Variants in SH3BP5L observed in about 807,000 individuals in gnomAD.
The protein encoded by SH3BP5L is SH3 binding domain protein 5 like, also known as SH3 domain-binding protein 5-like.
A neutral mutation model predicts 40.9 loss-of-function variants in SH3BP5L; 16 were observed. That is an observed-to-expected ratio of 0.39 (90% CI 0.27 to 0.59). The LOEUF is 0.59. Ranked by LOEUF, SH3BP5L falls within the 20% of genes least tolerant of loss-of-function variation. The probability of loss-of-function intolerance (pLI) is 0.53; values close to 1 mark genes in which losing one functional copy is unlikely to be tolerated. For synonymous variants in SH3BP5L, 229 were observed against 226.7 expected (o/e 1.01, Z -0.09); for missense variants, 471 against 544.6 (o/e 0.86, Z 1.35).
At chr1:248,824,618 T>G in intron 2 of SH3BP5L, 135 bp downstream of exon 2, 3 of 1,113,300 alleles carry the variant, frequency 2.7e-6, no homozygotes, top group Non-Finnish European at 3.9e-6. Flanking sequence ...CTGCAATGAT[T>G]TGTTGACAAA....
chr1:248,824,908 C>G lies in SH3BP5L; in HGVS notation c.28G>C (p.Gly10Arg). 6.2e-7 allele frequency: 1 copy of G among 1,613,788 alleles called. No individual in the cohort carries two copies. Among genetic ancestry groups the G allele is most frequent in the Non-Finnish European group, 8.5e-7 (1 of 1,179,842 alleles). MAELRQVPG[G>R]RETPQGELRP... ...AGCTCCCCCTGTGGGGTCTCCCGCC[C>G]TCCTGGAACCTGTCTGAGCTCAGCC... The change falls in exon 2 of 7, where the codon GGG (glycine) becomes CGG (arginine). Residue 10 changes from glycine to arginine, a missense_variant. By Grantham distance (125) the Gly-to-Arg change is moderately radical. Transcript: ENST00000366472.
Position 248,811,111 on chromosome 1 carries a change from C to CCACTAG in SH3BP5L, c.*783_*788dup. The CCACTAG allele has an allele frequency of 6.6e-6, 1 of 152,666 alleles. No individual in the cohort carries two copies. The highest frequency in any genetic ancestry group is 1.5e-5 in the Non-Finnish European group (1 of 68,094). 9.5% of individuals were successfully genotyped at this position (152,666 alleles called of 1,614,324 possible). On this transcript the variant is annotated 3_prime_UTR_variant, in exon 7 of 7. Transcript: ENST00000366472. Reference sequence around the variant, plus strand: ...CCCCAACATGGGCCCTCTTAGGGACCCACTAGCACCTTGGCAATGTTGAGG... The same window carrying CCACTAG: ...CCCCAACATGGGCCCTCTTAGGGACCCACTAGCACTAGCACCTTGGCAATGTTGAGG...
chr1:248,812,220 G>A lies in SH3BP5L; in HGVS notation c.862C>T (p.Arg288Cys), dbSNP rs367683054. ...GCCTCGGCCCCCACGGGGGAGGAGCGCCGAGGGCCCAGGGGGTGGGGAGGC... is the reference window on the plus strand; with the variant it reads ...GCCTCGGCCCCCACGGGGGAGGAGCACCGAGGGCCCAGGGGGTGGGGAGGC... ...GLPPHPLGPR[R>C]SSPVGAEAGP... The change falls in exon 7 of 7, where the codon CGC (arginine) becomes TGC (cysteine). Residue 288 changes from arginine (R) to cysteine (C), a missense_variant. By Grantham distance (180) the Arg-to-Cys change is radical. Around this residue, in one of 2 missense-constraint regions of SH3BP5L, gnomAD observed 196 missense variants for 174.6 expected, o/e 1.12. Transcript: ENST00000366472. The surrounding 1 kb of genome is among the most constrained non-coding windows in gnomAD (Gnocchi z 6.1). 5.6e-6 allele frequency: 9 copies of A among 1,606,562 alleles called. No homozygotes were observed. Among genetic ancestry groups the A allele is most frequent in the East Asian group, 2.2e-5 (1 of 44,786 alleles).
chr1:248,823,034 T>C (rs1664291709), intron 2 of SH3BP5L, among the ~76,000 whole-genome samples: 1 of 152,214 alleles, frequency 6.6e-6, no homozygotes, highest in African/African-American at 2.4e-5. Context: ...TAGTCCACCC[T>C]ATTAGACAGC....
intron 4 of SH3BP5L, chr1:248,815,954 T>G (rs1341005461): frequency 6.5e-6 from 1 of 154,076 alleles, no homozygotes; most frequent in Non-Finnish European, 1.4e-5. Flanking sequence ...AAGGCAGTTG[T>G]CTGTATCTGT....
rs898738797 is a variant in SH3BP5L at position 248,811,960 on chromosome 1, C to A, written c.1122G>T (p.Gly374=). 6.3e-6 allele frequency: 10 copies of A among 1,580,634 alleles called. No individual in the cohort carries two copies. Among genetic ancestry groups the A allele is most frequent in the Non-Finnish European group, 8.6e-6 (10 of 1,164,284 alleles). Residue 374 remains glycine, a synonymous_variant, in exon 7 of 7, where the codon GGG becomes GGT. Coordinates refer to ENST00000366472, the MANE Select transcript of SH3BP5L (RefSeq NM_030645.3). ...DGQELGTRSG[G]RRGSDGGARG... ...GGGCTCCGCCGTCGCTGCCCCGGCG[C>A]CCTCCACTCCGCGTTCCCAGCTCTT... is the stretch of plus-strand genomic sequence containing the variant.
chr1:248,812,442 G>A lies in SH3BP5L; in HGVS notation c.712-72C>T. 2 of 1,199,896 alleles carry A rather than the reference G, an allele frequency of 1.7e-6. No individual in the cohort carries two copies. The highest frequency in any genetic ancestry group is 1.2e-6 in the Non-Finnish European group (1 of 835,570). The allele number at this position is 1,199,896 out of a possible 1,614,324, so 74.3% of individuals were successfully genotyped here. On this transcript the variant is annotated intron_variant, in intron 6 of 6. Transcript: ENST00000366472. The surrounding 1 kb of genome is among the most constrained non-coding windows in gnomAD (Gnocchi z 6.1). ...ACCTTCCTCAGCACTCTGCACTGAGGTCTGAGGGCCTGCTCTCCCAGAATA... is the reference window on the plus strand; with the variant it reads ...ACCTTCCTCAGCACTCTGCACTGAGATCTGAGGGCCTGCTCTCCCAGAATA...
Position 248,812,208 on chromosome 1 carries a change from C to T in SH3BP5L, c.874G>A (p.Val292Met), listed in dbSNP as rs1558225686. 2.5e-6 allele frequency: 4 copies of T among 1,603,074 alleles called. No homozygotes were observed. Among genetic ancestry groups the T allele is most frequent in the Non-Finnish European group, 2.6e-6 (3 of 1,175,854 alleles). The change falls in exon 7 of 7, where the codon GTG becomes ATG. Residue 292 changes from valine to methionine, a missense_variant. Physicochemically the swap from Val to Met is conservative, Grantham distance 21 (BLOSUM62 1). This residue lies in a region of SH3BP5L where 196 missense variants were observed against 174.6 expected (regional missense o/e 1.12). Transcript: ENST00000366472. The surrounding 1 kb of genome is among the most constrained non-coding windows in gnomAD (Gnocchi z 6.1). ...TCCTCGGGTCCTGCCTCGGCCCCCA[C>T]GGGGGAGGAGCGCCGAGGGCCCAGG... The part of the protein sequence containing the change: ...HPLGPRRSSP[V>M]GAEAGPEDME...
At position 248,811,781 on chromosome 1, in the gene SH3BP5L, G is replaced by T; in HGVS notation, c.*119C>A. 1 of 759,482 alleles carries T rather than the reference G, an allele frequency of 1.3e-6. No homozygotes were observed. The highest frequency in any genetic ancestry group is 2.1e-6 in the Non-Finnish European group (1 of 484,080). 47.0% of individuals were successfully genotyped at this position (759,482 alleles called of 1,614,324 possible). A position where few individuals can be genotyped will look rare whatever the true frequency, so the allele number is the denominator to read the frequency against. On this transcript the variant is annotated 3_prime_UTR_variant, in exon 7 of 7. Transcript: ENST00000366472. ...TCGAACACAGCTGGCCTCTCCCAGG[G>T]AAGCACTGGAGAAGGGGACCTTCGG...
In SH3BP5L at chr1:248,816,803, T is replaced by C. The variant is rs1664119367; in HGVS notation, c.246+19A>G. 9.3e-6 allele frequency: 15 copies of C among 1,613,640 alleles called. No individual in the cohort carries two copies. Among genetic ancestry groups the C allele is most frequent in the Non-Finnish European group, 1.2e-5 (14 of 1,179,818 alleles). ...ACTTCCAAGGACCAGCCCAAGCACA[T>C]AAGGAAAAGGACACTCACATCCAGC... On this transcript the variant is annotated intron_variant, in intron 3 of 6. Transcript: ENST00000366472.
chr1:248,820,668 G>A (rs1664235384), intron 2 of SH3BP5L: 1 of 152,188 alleles, frequency 6.6e-6, no homozygotes, highest in African/African-American at 2.4e-5. Context: ...TCTCAGTAAA[G>A]AAAGAAGTGC....
chr1:248,811,946 T>C lies in SH3BP5L; in HGVS notation c.1136A>G (p.Asp379Gly). ...GTGCCGACCCCCACGGGCTCCGCCGTCGCTGCCCCGGCGCCCTCCACTCCG... is the reference window on the plus strand; with the variant it reads ...GTGCCGACCCCCACGGGCTCCGCCGCCGCTGCCCCGGCGCCCTCCACTCCG... ...GTRSGGRRGS[D>G]GGARGGRHQR... Residue 379 changes from aspartate (D) to glycine (G), a missense_variant, in exon 7 of 7, where the codon GAC becomes GGC. Transcript: ENST00000366472. 6.4e-7 allele frequency: 1 copy of C among 1,562,480 alleles called. No homozygotes were observed. Among genetic ancestry groups the C allele is most frequent in the Non-Finnish European group, 8.7e-7 (1 of 1,153,812 alleles).
chr1:248,816,377 C>A (rs954466003), intron 4 of SH3BP5L, 157 bp downstream of exon 4: 4 of 791,812 alleles, frequency 5.1e-6, no homozygotes, highest in South Asian at 3.5e-5. Context: ...GGTAAAGGAA[C>A]CTCCTGAGCC....
intron 2 of SH3BP5L, among the ~76,000 whole-genome samples, chr1:248,822,996 T>C (rs755034908): frequency 2.6e-5 from 4 of 152,186 alleles, no homozygotes; most frequent in Non-Finnish European, 5.9e-5. Flanking sequence ...TAATTTTAAT[T>C]GATTGTGTTT....
intron 4 of SH3BP5L, chr1:248,814,874 TC>T (rs1664061067): frequency 1.7e-6 from 1 of 586,852 alleles, no homozygotes; most frequent in Non-Finnish European, 3.2e-6. Flanking sequence ...GCTAGCCTTT[TC>T]CCCTAGGGAA....
chr1:248,820,126 T>C (rs1160119978), intron 2 of SH3BP5L, among the ~76,000 whole-genome samples: 1 of 152,224 alleles, frequency 6.6e-6, no homozygotes, highest in East Asian at 1.9e-4. Context: ...GTGGCTCCTG[T>C]GTTGGGTGGC....
chr1:248,815,512 A>G (rs757155851), intron 4 of SH3BP5L, among the ~76,000 whole-genome samples: 1 of 152,002 alleles, frequency 6.6e-6, no homozygotes, highest in South Asian at 2.1e-4. Context: ...GTCTTGGGGG[A>G]CCTTGCTGGC....
intron 3 of SH3BP5L, 68 bp from the exon 4 acceptor site, chr1:248,816,730 C>G: frequency 6.2e-7 from 1 of 1,611,856 alleles, no homozygotes; most frequent in African/African-American, 1.3e-5. Flanking sequence ...CTCAGACACA[C>G]CCCTCCCACC....
At chr1:248,816,461 C>G (rs1403344726) in intron 4 of SH3BP5L, 73 bp downstream of exon 4, 1 of 1,589,998 alleles carries the variant, frequency 6.3e-7, no homozygotes, top group Admixed American at 1.7e-5. Context: ...GTCTCTCACT[C>G]CATATAGAGA....
Sources: gnomAD v4.1 joint callset for allele counts (sites outside exome capture counted in the v4.1 genomes callset) on GRCh38, gnomAD v4.1.1 for gene constraint, gnomAD v4.1.1 regional missense constraint, Gnocchi (gnomAD v3.1) non-coding constraint, MANE v1.5 for transcripts, NCBI Gene and HGNC (gene_info 2026-07-23, HGNC 2026-07-21) for gene names.